Variants in PLEKHA7 observed in about 807,000 individuals in gnomAD.
PLEKHA7 encodes the protein pleckstrin homology domain containing A7.
In PLEKHA7, 104 loss-of-function variants were observed where a neutral mutation model predicts 170.0. The ratio of observed to expected loss-of-function variants is 0.61; its 90% confidence interval spans 0.52 to 0.72. The LOEUF is 0.72. Among genes scored for constraint, PLEKHA7 ranks in the 30% least tolerant of loss-of-function variants. The probability of loss-of-function intolerance (pLI) is 0.00; values close to 1 mark genes in which losing one functional copy is unlikely to be tolerated. For missense variants in PLEKHA7, 1,615 were observed against 1,671.7 expected (o/e 0.97, Z 0.59); for synonymous variants, 648 against 660.8 (o/e 0.98, Z 0.30).
At chr11:16,803,099 A>AC in intron 14 of PLEKHA7, 47 bp from the exon 15 acceptor site, 2 of 1,575,780 alleles carry the variant, frequency 1.3e-6, no homozygotes, top group Non-Finnish European at 1.7e-6. Context: ...TGAGAAAAGG[A>AC]CATGACCTTG....
intron 3 of PLEKHA7, among the ~76,000 whole-genome samples, chr11:16,985,025 A>C (rs1863642696): frequency 6.6e-6 from 1 of 152,232 alleles, no homozygotes; most frequent in Non-Finnish European, 1.5e-5. Context: ...AAAAGGAAGG[A>C]TCCGGATATC....
At chr11:16,915,424 C>G (rs1444836809) in intron 3 of PLEKHA7, among the ~76,000 whole-genome samples, 2 of 152,044 alleles carry the variant, frequency 1.3e-5, no homozygotes, top group Non-Finnish European at 2.9e-5. Flanking sequence ...AGGTTTGTTA[C>G]ATATGTATAC....
chr11:16,887,400 G>A (rs111636164), intron 3 of PLEKHA7, among the ~76,000 whole-genome samples: 3,208 of 91,654 alleles, frequency 0.035, 106 homozygotes, highest in African/African-American at 0.094. Flanking sequence ...CTCTCCCCAC[G>A]GTCTCCCTCT....
chr11:16,906,897 C>G (rs1238047190), intron 3 of PLEKHA7, among the ~76,000 whole-genome samples: 1 of 143,510 alleles, frequency 7.0e-6, no homozygotes, highest in African/African-American at 2.8e-5. Context: ...TCTGCCACGC[C>G]GCCCATCGTC....
intron 3 of PLEKHA7, among the ~76,000 whole-genome samples, chr11:16,968,342 A>G (rs1000700458): frequency 5.9e-5 from 9 of 152,190 alleles, no homozygotes; most frequent in African/African-American, 2.2e-4. Context: ...AGTGGGCCAC[A>G]TGGAAAAGGC....
At chr11:16,871,231 G>A (rs755744903) in intron 3 of PLEKHA7, 49 bp from the exon 4 acceptor site, 1 of 1,426,032 alleles carries the variant, frequency 7.0e-7, no homozygotes, top group South Asian at 1.1e-5. Flanking sequence ...AATGGAAGGA[G>A]TACAGACACG....
chr11:16,788,820 A>C, intron 23 of PLEKHA7: 1 of 531,712 alleles, frequency 1.9e-6, no homozygotes, highest in South Asian at 2.5e-5. Flanking sequence ...ACGCCTGCAA[A>C]GGCCCCTCTC....
intron 8 of PLEKHA7, among the ~76,000 whole-genome samples, chr11:16,850,462 A>T (rs1852839498): frequency 6.6e-6 from 1 of 152,166 alleles, no homozygotes; most frequent in Non-Finnish European, 1.5e-5. Flanking sequence ...TCCCTGGGGA[A>T]CCCAAGATCT....
intron 8 of PLEKHA7, among the ~76,000 whole-genome samples, chr11:16,848,209 C>T (rs1297826491): frequency 1.3e-5 from 2 of 152,236 alleles, no homozygotes; most frequent in African/African-American, 4.8e-5. Context: ...TAATAATACA[C>T]ATGCTGATGC....
intron 24 of PLEKHA7, 118 bp downstream of exon 24, chr11:16,786,111 A>G (rs918184416): frequency 8.2e-7 from 1 of 1,224,918 alleles, no homozygotes; most frequent in South Asian, 1.5e-5. Context: ...CTCCTAGGCC[A>G]CACTGAAGCT....
chr11:16,805,028 A>C (rs1848857860), intron 13 of PLEKHA7, among the ~76,000 whole-genome samples: 1 of 152,220 alleles, frequency 6.6e-6, no homozygotes, highest in Non-Finnish European at 1.5e-5. Flanking sequence ...AAAGCAGTGA[A>C]GTCTTCGCTC....
At position 16,778,583 on chromosome 11, in the gene PLEKHA7, T is replaced by C. The variant is rs561511230; in HGVS notation, c.*415A>G. The C allele has an allele frequency of 7.6e-5, 19 of 248,768 alleles. No homozygotes were observed. Among genetic ancestry groups the C allele is most frequent in the East Asian group, 2.0e-4 (2 of 10,134 alleles). The allele number at this position is 248,768 out of a possible 1,614,324, so 15.4% of individuals were successfully genotyped here. A position where few individuals can be genotyped will look rare whatever the true frequency, so the allele number is the denominator to read the frequency against. On this transcript the variant is annotated 3_prime_UTR_variant, in exon 27 of 27. Transcript: ENST00000531066. Reference sequence around the variant, plus strand: ...TAAATCTCACTTTCTCCTGAGGTCATTGGAAGTTGGACTAGCCTCGGCTTG... The same window carrying C: ...TAAATCTCACTTTCTCCTGAGGTCACTGGAAGTTGGACTAGCCTCGGCTTG...
At chr11:16,997,683 T>A (rs1448165464) in intron 3 of PLEKHA7, among the ~76,000 whole-genome samples, 1 of 152,232 alleles carries the variant, frequency 6.6e-6, no homozygotes, top group African/African-American at 2.4e-5. Context: ...CTGCAACACC[T>A]GGGGGCTTCT....
At position 16,930,006 on chromosome 11, in the gene PLEKHA7, AAAAAATAAAAAT is replaced by A. The variant is rs374159686; in HGVS notation, c.222-58836_222-58825del. 1.6e-3 allele frequency among the ~76,000 whole-genome samples: 238 copies of A among 152,232 alleles called. 1 individual carries two copies. The highest frequency in any genetic ancestry group is 5.3e-3 in the African/African-American group (221 of 41,540). On this transcript the variant is annotated intron_variant, in intron 3 of 26. Transcript: ENST00000531066. ...CAACAGAGTGAGACTCCGTCTCAAA[AAAAAATAAAAAT>A]AAAAATAAAAATAAAGTATGTGCTG...
chr11:16,844,239 T>C (rs1852205936), intron 8 of PLEKHA7, among the ~76,000 whole-genome samples: 1 of 152,200 alleles, frequency 6.6e-6, no homozygotes, highest in South Asian at 2.1e-4. Flanking sequence ...CATGCAGACA[T>C]GGGTTTGCAT....
chr11:16,953,528 T>C lies in PLEKHA7; in HGVS notation c.221+60461A>G, dbSNP rs1056875352. Among the ~76,000 whole-genome samples, 23 of 152,172 alleles carry C rather than the reference T, an allele frequency of 1.5e-4. 1 individual carries two copies. Among genetic ancestry groups the C allele is most frequent in the Non-Finnish European group, 2.5e-4 (17 of 68,028 alleles). ...TGATAAGGACCGGGGCTTTCCAGAATAGTAATAAAACCAAGATTCTGGATC... is the reference window on the plus strand; with the variant it reads ...TGATAAGGACCGGGGCTTTCCAGAACAGTAATAAAACCAAGATTCTGGATC... On this transcript the variant is annotated intron_variant, in intron 3 of 26. Coordinates refer to ENST00000531066, the MANE Select transcript of PLEKHA7 (RefSeq NM_001329630.2).
intron 3 of PLEKHA7, among the ~76,000 whole-genome samples, chr11:16,935,045 G>T (rs927661167): frequency 6.6e-6 from 1 of 152,194 alleles, no homozygotes; most frequent in Admixed American, 6.5e-5. Context: ...GGAACAAGAC[G>T]CCAGTTCAGT....
In PLEKHA7 at chr11:16,817,509, T is replaced by G. The variant is rs2134726157; in HGVS notation, c.1344-187A>C. The G allele has an allele frequency of 1.8e-6, 1 of 540,926 alleles. No individual in the cohort carries two copies. The highest frequency in any genetic ancestry group is 3.0e-5 in the East Asian group (1 of 33,476). The allele number at this position is 540,926 out of a possible 1,614,324, so 33.5% of individuals were successfully genotyped here. ...CTTTTGGCAGACGACTCCAAAACCA[T>G]TTTTCTCTGTCAACTTCCTCTGCCA... On this transcript the variant is annotated intron_variant, in intron 10 of 26. Transcript: ENST00000531066. This position sits in a 1 kb window ranked among gnomAD's most constrained non-coding sequence, Gnocchi z 4.4.
intron 8 of PLEKHA7, among the ~76,000 whole-genome samples, chr11:16,850,303 C>G (rs186954978): frequency 6.6e-6 from 1 of 152,226 alleles, no homozygotes; most frequent in South Asian, 2.1e-4. Context: ...TCCAGCTTGA[C>G]GTGTACGACA....
Sources: gnomAD v4.1 joint callset for allele counts (sites outside exome capture counted in the v4.1 genomes callset) on GRCh38, gnomAD v4.1.1 for gene constraint, Gnocchi (gnomAD v3.1) non-coding constraint, MANE v1.5 for transcripts, NCBI Gene and HGNC (gene_info 2026-07-23, HGNC 2026-07-21) for gene names.